The following GRHL2 variants were observed in gnomAD, a reference collection of about 807,000 sequenced individuals.
GRHL2 encodes grainyhead-like protein 2 homolog.
Under a neutral mutation model 83.8 loss-of-function variants are expected in GRHL2, and 21 were observed. The ratio of observed to expected loss-of-function variants is 0.25; its 90% confidence interval spans 0.18 to 0.36. The LOEUF (loss-of-function observed/expected upper bound fraction) is 0.36, where lower values mean the gene tolerates loss of function less well. GRHL2 is among the 10% of genes least tolerant of loss of function. The probability of loss-of-function intolerance (pLI) is 1.00; values close to 1 mark genes in which losing one functional copy is unlikely to be tolerated. For missense variants in GRHL2, 623 were observed against 781.8 expected, an observed-to-expected ratio of 0.80 and a Z score of 2.42; for synonymous variants, 280 against 278.9, an observed-to-expected ratio of 1.00 and a Z score of -0.04.
chr8:101,552,828 A>G (rs1811412319), intron 3 of GRHL2, 46 bp downstream of exon 3: 2 of 1,552,020 alleles, frequency 1.3e-6, no homozygotes, highest in African/African-American at 2.7e-5. Context: ...TGTTTTCTAA[A>G]AAACAATGTT....
chr8:101,504,492 C>A (rs1369913333), intron 1 of GRHL2, among the ~76,000 whole-genome samples: 1 of 152,164 alleles, frequency 6.6e-6, no homozygotes, highest in African/African-American at 2.4e-5. Flanking sequence ...CGAGGCAAAC[C>A]TGCTGGCCTC....
At chr8:101,665,792 A>T (rs1814038318) in intron 15 of GRHL2, among the ~76,000 whole-genome samples, 1 of 146,022 alleles carries the variant, frequency 6.8e-6, no homozygotes, top group East Asian at 2.0e-4. Flanking sequence ...CTGACACATA[A>T]CTGTAAAATG....
chr8:101,495,000 T>C (rs772752868), intron 1 of GRHL2, among the ~76,000 whole-genome samples: 8 of 152,268 alleles, frequency 5.3e-5, no homozygotes, highest in South Asian at 2.1e-4. Flanking sequence ...GAAAATGCTT[T>C]AAGTCAATAC....
chr8:101,602,649 G>A (rs1163647741), intron 8 of GRHL2, among the ~76,000 whole-genome samples: 1 of 152,072 alleles, frequency 6.6e-6, no homozygotes, highest in African/African-American at 2.4e-5. Context: ...AAAGATTCTG[G>A]CAACCATTAG....
intron 1 of GRHL2, among the ~76,000 whole-genome samples, chr8:101,534,437 AGG>A (rs1370355690): frequency 6.6e-6 from 1 of 152,054 alleles, no homozygotes; most frequent in Non-Finnish European, 1.5e-5. Context: ...GGGTGGGAGT[AGG>A]GGAGAGACTT....
chr8:101,492,855 T>C (rs1191425262), intron 1 of GRHL2, 66 bp downstream of exon 1: 6 of 1,485,956 alleles, frequency 4.0e-6, no homozygotes, highest in Non-Finnish European at 5.6e-6. Context: ...AACTGGTTTG[T>C]TATGTTTTTG....
intron 1 of GRHL2, among the ~76,000 whole-genome samples, chr8:101,506,859 ATAGT>A (rs1378947034): frequency 6.7e-6 from 1 of 149,432 alleles, no homozygotes; most frequent in Non-Finnish European, 1.5e-5. Flanking sequence ...TTGCAATTTG[ATAGT>A]TAAAGAGATT....
chr8:101,562,247 G>T, intron 4 of GRHL2: 1 of 599,386 alleles, frequency 1.7e-6, no homozygotes, highest in Non-Finnish European at 3.1e-6. Context: ...GCTCTCACTG[G>T]TATTCGATAG....
intron 14 of GRHL2, among the ~76,000 whole-genome samples, chr8:101,653,074 T>TG (rs928310017): frequency 2.0e-4 from 31 of 152,254 alleles, no homozygotes; most frequent in African/African-American, 7.0e-4. Flanking sequence ...CGAAGTTGTG[T>TG]GGGGAGGTCC....
At chr8:101,654,284 C>T (rs1813737775) in intron 14 of GRHL2, among the ~76,000 whole-genome samples, 1 of 152,186 alleles carries the variant, frequency 6.6e-6, no homozygotes, top group Non-Finnish European at 1.5e-5. Context: ...TGCTCTCATC[C>T]TGGACTAATT....
intron 9 of GRHL2, among the ~76,000 whole-genome samples, chr8:101,625,929 C>T (rs926218045): frequency 3.9e-5 from 6 of 151,920 alleles, no homozygotes; most frequent in East Asian, 3.9e-4. Context: ...AGAAATCTCA[C>T]GAGTCCTGCA....
At chr8:101,554,780 A>C (rs971715124) in intron 3 of GRHL2, among the ~76,000 whole-genome samples, 5 of 152,128 alleles carry the variant, frequency 3.3e-5, no homozygotes, top group African/African-American at 1.2e-4. Flanking sequence ...TTATCATTGC[A>C]TTTTTCTTGT....
intron 9 of GRHL2, among the ~76,000 whole-genome samples, chr8:101,631,042 G>T (rs1813175991): frequency 6.6e-6 from 1 of 152,130 alleles, no homozygotes; most frequent in African/African-American, 2.4e-5. Flanking sequence ...TTTCTATTTG[G>T]TTGAATGAGC....
chr8:101,663,544 A>C (rs1813970406), intron 14 of GRHL2, among the ~76,000 whole-genome samples: 1 of 152,044 alleles, frequency 6.6e-6, no homozygotes, highest in African/African-American at 2.4e-5. Flanking sequence ...CCTGGGAGGC[A>C]GAGGTTGCAG....
chr8:101,598,581 A>AT (rs61519476), intron 7 of GRHL2, among the ~76,000 whole-genome samples: 36,572 of 115,384 alleles, frequency 0.32, 8,515 homozygotes, highest in Non-Finnish European at 0.47. Flanking sequence ...GGTCTCCTGA[A>AT]TTTTTTTTTT....
intron 2 of GRHL2, among the ~76,000 whole-genome samples, chr8:101,552,189 G>A (rs931187021): frequency 6.6e-6 from 1 of 152,106 alleles, no homozygotes; most frequent in Non-Finnish European, 1.5e-5. Context: ...GGTGGACAAA[G>A]GGGGGCCCAG....
chr8:101,504,959 GC>G (rs1563554012), intron 1 of GRHL2, among the ~76,000 whole-genome samples: 1 of 144,802 alleles, frequency 6.9e-6, no homozygotes, highest in South Asian at 2.2e-4. Context: ...CACTGAAGTT[GC>G]CAACATTGCA....
chr8:101,548,594 A>AG (rs1424878280), intron 2 of GRHL2, among the ~76,000 whole-genome samples: 1 of 152,192 alleles, frequency 6.6e-6, no homozygotes, highest in Non-Finnish European at 1.5e-5. Context: ...TACAGAATAA[A>AG]GGCTCTGAGG....
At chr8:101,576,744 G>T (rs141388302) in intron 6 of GRHL2, among the ~76,000 whole-genome samples, 1,866 of 152,220 alleles carry the variant, frequency 0.012, 38 homozygotes, top group African/African-American at 0.043. Context: ...ATTTAGAACT[G>T]AAAAGAGTTT....
Sources: allele counts gnomAD v4.1 joint callset (sites outside exome capture counted in the v4.1 genomes callset), GRCh38; gene constraint gnomAD v4.1.1; transcripts MANE v1.5; gene names NCBI Gene and HGNC (gene_info 2026-07-23, HGNC 2026-07-21).